COL9A3: variants seen among roughly 807,000 people sequenced by gnomAD.
COL9A3 encodes collagen type IX alpha 3 chain, also known as collagen alpha-3(IX) chain.
In COL9A3, 82 loss-of-function variants were observed where a neutral mutation model predicts 110.2. The observed-to-expected ratio is 0.74, with a 90% CI of 0.62 to 0.89. The LOEUF is 0.89. COL9A3 is among the 40% of genes least tolerant of loss of function. The pLI, the probability that COL9A3 is intolerant of heterozygous loss-of-function variation, is 0.00. For missense variants in COL9A3, 1,066 were observed against 981.3 expected, an observed-to-expected ratio of 1.09 and a Z score of -1.15; for synonymous variants, 494 against 403.8, an observed-to-expected ratio of 1.22 and a Z score of -2.68.
At chr20:62,821,926 C>T in intron 8 of COL9A3, 116 bp downstream of exon 8, 1 of 768,202 alleles carries the variant, frequency 1.3e-6, no homozygotes, top group Non-Finnish European at 2.3e-6. Context: ...CCAACCCCAC[C>T]TTGGTGGGTG....
intron 26 of COL9A3, among the ~76,000 whole-genome samples, chr20:62,834,307 G>A (rs537807766): frequency 1.3e-5 from 2 of 152,350 alleles, no homozygotes; most frequent in East Asian, 3.9e-4. Flanking sequence ...GCCGTGTCAG[G>A]CCCACAGCTG....
chr20:62,823,020 A>G (rs1353791514), intron 10 of COL9A3, among the ~76,000 whole-genome samples: 1 of 152,016 alleles, frequency 6.6e-6, no homozygotes, highest in African/African-American at 2.4e-5. Context: ...TTGATCTTTG[A>G]GCCTTGTCAT....
In COL9A3 at chr20:62,817,114, G is replaced by A. The variant is rs2294984; in HGVS notation, c.50G>A (p.Gly17Glu). 0.15 allele frequency: 203,475 copies of A among 1,399,514 alleles called. 15,911 individuals are homozygous for A. The highest frequency in any genetic ancestry group is 0.16 in the Non-Finnish European group (172,257 of 1,071,040). The allele number at this position is 1,399,514 out of a possible 1,614,324, so 86.7% of individuals were successfully genotyped here. The change falls in exon 1 of 32, where the codon GGG becomes GAG. Residue 17 changes from glycine to glutamate, a missense_variant. Gly to Glu is a moderately conservative substitution (Grantham distance 98, BLOSUM62 -2). Transcript: ENST00000649368. The stretch of plus-strand genomic sequence containing the variant: ...CCGCTCCTGCTCCTGCTCCTGCTCG[G>A]GGAGCTTCTGGCGGCCGCCGGGGCG... ...CAPLLLLLLL[G>E]ELLAAAGAQR...
chr20:62,822,775 G>T, intron 10 of COL9A3, 143 bp downstream of exon 10: 2 of 851,166 alleles, frequency 2.3e-6, no homozygotes, highest in Non-Finnish European at 3.8e-6. Flanking sequence ...AGAGCAGACA[G>T]CTCGGGCACA....
At chr20:62,822,667 G>T (rs1286614055) in intron 10 of COL9A3, 35 bp downstream of exon 10, 6 of 1,606,946 alleles carry the variant, frequency 3.7e-6, no homozygotes, top group African/African-American at 1.3e-5. Context: ...AGGGTGCTGG[G>T]GGGTGCCTAC....
At chr20:62,825,500 C>T in intron 12 of COL9A3, 1 of 502,718 alleles carries the variant, frequency 2.0e-6, no homozygotes, top group South Asian at 2.3e-5. Flanking sequence ...TTTAGCGTGG[C>T]TGGAGTGATC....
chr20:62,824,837 A>C, intron 11 of COL9A3, 131 bp from the exon 12 acceptor site: 3 of 1,006,810 alleles, frequency 3.0e-6, no homozygotes, highest in Non-Finnish European at 4.6e-6. Flanking sequence ...ATGAGGGCCC[A>C]GACCCGCGGT....
At chr20:62,830,321 C>T (rs1165038038) in intron 22 of COL9A3, 39 bp from the exon 23 acceptor site, 4 of 1,555,088 alleles carry the variant, frequency 2.6e-6, no homozygotes, top group Middle Eastern at 3.3e-4. Context: ...ACTCCTCGAA[C>T]CCTGAGACAT....
At chr20:62,819,764 C>T (rs1991058036) in intron 4 of COL9A3, among the ~76,000 whole-genome samples, 165 bp from the exon 5 acceptor site, 1 of 152,242 alleles carries the variant, frequency 6.6e-6, no homozygotes, top group Admixed American at 6.5e-5. Context: ...CCTCTGGCTA[C>T]AGCAGGCAGA....
intron 3 of COL9A3, 82 bp downstream of exon 3, chr20:62,818,635 C>T (rs540176484): frequency 2.9e-4 from 408 of 1,402,740 alleles, no homozygotes; most frequent in Non-Finnish European, 3.6e-4. Context: ...TCATTGATAT[C>T]CTGTCTCATC....
chr20:62,834,849 C>T (rs1022226166), intron 26 of COL9A3, among the ~76,000 whole-genome samples: 7 of 152,242 alleles, frequency 4.6e-5, no homozygotes, highest in East Asian at 1.9e-4. Flanking sequence ...CCATGTTGGC[C>T]GGGCTGGTCT....
At chr20:62,838,612 T>C (rs2060885322) in intron 30 of COL9A3, 72 bp from the exon 31 acceptor site, 1 of 1,351,202 alleles carries the variant, frequency 7.4e-7, no homozygotes, top group Non-Finnish European at 1.0e-6. Flanking sequence ...TTACAAAGGT[T>C]GATCAGACAC....
intron 22 of COL9A3, 103 bp downstream of exon 22, chr20:62,829,922 G>T: frequency 7.1e-7 from 1 of 1,405,992 alleles, no homozygotes; most frequent in South Asian, 1.3e-5. Flanking sequence ...TGCCTTGATG[G>T]GCCAGGCCCA....
chr20:62,821,139 T>TA, intron 5 of COL9A3, 42 bp from the exon 6 acceptor site: 1 of 1,607,062 alleles, frequency 6.2e-7, no homozygotes, highest in Non-Finnish European at 8.5e-7. Flanking sequence ...GGTTTGCAAA[T>TA]AGAGGCCCAG....
At chr20:62,816,836 C>G (rs937348696), upstream of COL9A3, among the ~76,000 whole-genome samples, 2 of 152,154 alleles carry the variant, frequency 1.3e-5, no homozygotes, top group African/African-American at 4.8e-5. Flanking sequence ...AATTTTAACT[C>G]GCGGCCGGAG....
intron 15 of COL9A3, 108 bp from the exon 16 acceptor site, chr20:62,827,133 C>T (rs2063559462): frequency 9.0e-7 from 1 of 1,113,050 alleles, no homozygotes; most frequent in Non-Finnish European, 1.4e-6. Flanking sequence ...CACTCTCTGA[C>T]CACTCCTGGA....
At chr20:62,838,462 G>A (rs1400865820) in intron 30 of COL9A3, among the ~76,000 whole-genome samples, 7 of 152,344 alleles carry the variant, frequency 4.6e-5, no homozygotes, top group South Asian at 2.1e-4. Context: ...TATGCGGTGC[G>A]TCGTCCACCT....
intron 22 of COL9A3, 130 bp from the exon 23 acceptor site, chr20:62,830,230 C>A (rs2063584804): frequency 5.4e-6 from 6 of 1,107,552 alleles, no homozygotes; most frequent in South Asian, 5.3e-5. Context: ...CCCAGCAACC[C>A]AGCCAGGTGG....
At chr20:62,820,057 C>G in intron 5 of COL9A3, 75 bp downstream of exon 5, 4 of 1,520,944 alleles carry the variant, frequency 2.6e-6, no homozygotes, top group Admixed American at 3.3e-5. Flanking sequence ...TGCTCTGTGT[C>G]CACAAGGCCA....
Sources: gnomAD v4.1 joint callset for allele counts (sites outside exome capture counted in the v4.1 genomes callset) on GRCh38, gnomAD v4.1.1 for gene constraint, MANE v1.5 for transcripts, NCBI Gene and HGNC (gene_info 2026-07-23, HGNC 2026-07-21) for gene names.